The following ABCB1 variants were observed in gnomAD, a reference collection of about 807,000 sequenced individuals.
ABCB1 encodes the protein ATP-dependent translocase ABCB1.
In ABCB1, 69 loss-of-function variants were observed where a neutral mutation model predicts 142.0. The observed-to-expected ratio is 0.49, with a 90% CI of 0.40 to 0.59. ABCB1 has a LOEUF of 0.59. Among genes scored for constraint, ABCB1 ranks in the 20% least tolerant of loss-of-function variants. The pLI, the probability that ABCB1 is intolerant of heterozygous loss-of-function variation, is 0.00. For synonymous variants in ABCB1, 532 were observed against 539.2 expected, an observed-to-expected ratio of 0.99 and a Z score of 0.18; for missense variants, 1,326 against 1,554.7, an observed-to-expected ratio of 0.85 and a Z score of 2.47.
chr7:87,662,173 T>C (rs1367107755), intron 1 of ABCB1, among the ~76,000 whole-genome samples: 1 of 152,196 alleles, frequency 6.6e-6, no homozygotes, highest in Non-Finnish European at 1.5e-5. Flanking sequence ...ATGAGTAGTC[T>C]GCAAATATTT....
intron 4 of ABCB1, among the ~76,000 whole-genome samples, chr7:87,577,120 C>T (rs1051171619): frequency 3.3e-5 from 5 of 152,072 alleles, no homozygotes; most frequent in African/African-American, 9.7e-5. Context: ...CTCTATAAGT[C>T]CAATTGTTTT....
chr7:87,550,157 A>G lies in ABCB1; in HGVS notation c.1350+14T>C, dbSNP rs767513488. ...CTGATCACCGCAGGGTCTAGCTCGC[A>G]TGGGTCATCTCACCATCCCCTCTGT... On this transcript the variant is annotated intron_variant, in intron 12 of 27. Coordinates refer to ENST00000622132, the MANE Select transcript of ABCB1 (RefSeq NM_001348946.2). The G allele has an allele frequency of 6.2e-7, 1 of 1,614,222 alleles. No homozygotes were observed.
chr7:87,639,748 TCTTTTA>T (rs1482894956), intron 1 of ABCB1, among the ~76,000 whole-genome samples: 1 of 152,126 alleles, frequency 6.6e-6, no homozygotes, highest in Non-Finnish European at 1.5e-5. Flanking sequence ...TCTTTTTCCA[TCTTTTA>T]CTTTTACTTT....
In ABCB1 at chr7:87,570,234, A is replaced by G. The variant is rs201478838; in HGVS notation, c.287-11T>C. ...TATCATTGATATCACCTAGACCACCACAAAACAAACATACCATTTATGTCT... is the reference window on the plus strand; with the variant it reads ...TATCATTGATATCACCTAGACCACCGCAAAACAAACATACCATTTATGTCT... On this transcript the variant is annotated splice_polypyrimidine_tract_variant and intron_variant, in intron 4 of 27. Transcript: ENST00000622132. 1 of 1,610,120 alleles carries G rather than the reference A, an allele frequency of 6.2e-7. No individual in the cohort carries two copies. Among genetic ancestry groups the G allele is most frequent in the Non-Finnish European group, 8.5e-7 (1 of 1,177,022 alleles).
chr7:87,687,072 G>T (rs370887496), intron 1 of ABCB1, among the ~76,000 whole-genome samples: 10 of 152,026 alleles, frequency 6.6e-5, no homozygotes, highest in Non-Finnish European at 1.2e-4. Flanking sequence ...GTTAAATTGC[G>T]TATAATTTAA....
At chr7:87,513,422 T>C (rs1815104584) in intron 25 of ABCB1, among the ~76,000 whole-genome samples, 1 of 152,214 alleles carries the variant, frequency 6.6e-6, no homozygotes, top group Non-Finnish European at 1.5e-5. Flanking sequence ...TCATTAATTA[T>C]TCCTTATTGT....
chr7:87,676,225 TAAAC>T (rs548602027), intron 1 of ABCB1, among the ~76,000 whole-genome samples: 31 of 152,086 alleles, frequency 2.0e-4, no homozygotes, highest in African/African-American at 1.2e-4. Flanking sequence ...AGACCCTGTC[TAAAC>T]AAACAAACAA....
chr7:87,545,128 T>A, intron 15 of ABCB1, 129 bp from the exon 16 acceptor site: 1 of 816,330 alleles, frequency 1.2e-6, no homozygotes, highest in South Asian at 1.5e-5. Flanking sequence ...ATAAAGCTAA[T>A]CTGCTGTGTT....
In ABCB1 at chr7:87,643,661, C is replaced by T. The variant is rs542453597; in HGVS notation, c.-330-42583G>A. Among the ~76,000 whole-genome samples, 9 of 151,348 alleles carry T rather than the reference C, an allele frequency of 5.9e-5. No homozygotes were observed. In the East Asian group the frequency reaches 1.6e-3, roughly 26 times the overall value. ...TCAGCCTCCTGAGTAGCTGGGACTG[C>T]AGGTGCATGCCGCCATGCTCAGCTG... On this transcript the variant is annotated intron_variant, in intron 1 of 28. Transcript: ENST00000265724.
chr7:87,596,937 A>AT (rs1819234716), intron 2 of ABCB1, among the ~76,000 whole-genome samples: 1 of 152,020 alleles, frequency 6.6e-6, no homozygotes, highest in Non-Finnish European at 1.5e-5. Context: ...CCTTTTATTT[A>AT]TTTTTTTGTT....
intron 1 of ABCB1, among the ~76,000 whole-genome samples, chr7:87,653,220 G>A (rs564523911): frequency 7.2e-5 from 11 of 152,064 alleles, no homozygotes. Flanking sequence ...AGGTCCTTCA[G>A]TAATTTTTGA....
chr7:87,681,549 A>T (rs1826929736), intron 1 of ABCB1, among the ~76,000 whole-genome samples: 1 of 150,786 alleles, frequency 6.6e-6, no homozygotes, highest in Non-Finnish European at 1.5e-5. Flanking sequence ...ATGTCTAAAA[A>T]ATGTACATAC....
At chr7:87,589,849 G>GGA (rs142847127) in intron 3 of ABCB1, among the ~76,000 whole-genome samples, 4,260 of 108,422 alleles carry the variant, frequency 0.039, 80 homozygotes, top group Non-Finnish European at 0.049. Flanking sequence ...AGAGAGGGAG[G>GGA]GAGAGAGAGA....
At chr7:87,664,402 A>T (rs1376942903) in intron 1 of ABCB1, among the ~76,000 whole-genome samples, 2 of 152,158 alleles carry the variant, frequency 1.3e-5, no homozygotes, top group Non-Finnish European at 2.9e-5. Flanking sequence ...AAGCAGGAAA[A>T]TGTGATCAAT....
intron 1 of ABCB1, among the ~76,000 whole-genome samples, chr7:87,670,940 TG>T (rs1377041567): frequency 6.6e-6 from 1 of 152,242 alleles, no homozygotes; most frequent in Admixed American, 6.5e-5. Flanking sequence ...TTGGTACTTC[TG>T]GGCTGCCCAC....
intron 17 of ABCB1, 71 bp from the exon 18 acceptor site, chr7:87,541,535 C>T (rs1816537397): frequency 4.7e-6 from 5 of 1,072,176 alleles, no homozygotes; most frequent in East Asian, 2.4e-5. Flanking sequence ...ACCCATTTCC[C>T]ATCTGGCCCA....
At chr7:87,674,402 C>T (rs964626259) in intron 1 of ABCB1, among the ~76,000 whole-genome samples, 4 of 151,970 alleles carry the variant, frequency 2.6e-5, no homozygotes, top group Admixed American at 6.6e-5. Flanking sequence ...GCCTTCATGT[C>T]GGTGGCAGTG....
intron 21 of ABCB1, among the ~76,000 whole-genome samples, chr7:87,526,179 A>G (rs1407278422): frequency 7.1e-6 from 1 of 141,158 alleles, no homozygotes; most frequent in Admixed American, 7.0e-5. Context: ...TTTTTTTTTC[A>G]TATCTCCTAT....
chr7:87,638,806 G>C (rs1438984566), intron 1 of ABCB1, among the ~76,000 whole-genome samples: 3 of 151,704 alleles, frequency 2.0e-5, no homozygotes, highest in Admixed American at 2.0e-4. Context: ...TTTCTCTGTC[G>C]ACTCGTGTTA....
Sources: gnomAD v4.1 joint callset for allele counts (sites outside exome capture counted in the v4.1 genomes callset) on GRCh38, gnomAD v4.1.1 for gene constraint, MANE v1.5 for transcripts, NCBI Gene and HGNC (gene_info 2026-07-23, HGNC 2026-07-21) for gene names.